Variants in EBP observed in about 807,000 individuals in gnomAD.
EBP encodes the protein EBP cholestenol delta-isomerase, also known as 3-beta-hydroxysteroid-Delta(8),Delta(7)-isomerase.
EBP carries 1 observed loss-of-function variant against 14.1 expected under a neutral mutation model. That is an observed-to-expected ratio of 0.07 (90% confidence interval 0.03 to 0.34). EBP has a LOEUF of 0.34. Ranked by LOEUF, EBP falls within the 10% of genes least tolerant of loss-of-function variation. The probability of loss-of-function intolerance (pLI) is 0.99; values close to 1 mark genes in which losing one functional copy is unlikely to be tolerated. For missense variants in EBP, 123 were observed against 184.6 expected, an observed-to-expected ratio of 0.67 and a Z score of 1.93; for synonymous variants, 72 against 77.7, an observed-to-expected ratio of 0.93 and a Z score of 0.38.
chrX:48,525,152 TA>T (rs2061775426), intron 2 of EBP, among the ~76,000 whole-genome samples: 2 of 112,382 alleles, frequency 1.8e-5, no homozygotes, highest in Admixed American at 1.9e-4. Flanking sequence ...TTTACACACG[TA>T]AGTCTCAATT....
chrX:48,523,539 G>C (rs2061769661), intron 1 of EBP, among the ~76,000 whole-genome samples, 160 bp from the exon 2 acceptor site: 1 of 95,822 alleles, frequency 1.0e-5, no homozygotes, highest in Non-Finnish European at 2.1e-5. Flanking sequence ...GGGTGACAGA[G>C]CAAGACTCCG....
chrX:48,527,426 G>A, intron 4 of EBP, 141 bp downstream of exon 4: 2 of 996,418 alleles, frequency 2.0e-6, no homozygotes, highest in Non-Finnish European at 2.8e-6. Flanking sequence ...ACCCCCTGAG[G>A]CTCTGGAAAG....
chrX:48,527,139 A>T lies in EBP; in HGVS notation c.339-16A>T, dbSNP rs1276211096. The T allele has an allele frequency of 4.1e-6, 5 of 1,210,093 alleles. No homozygotes were observed. The South Asian group carries it at 8.8e-5, about 21-fold the overall frequency. ...AGCACACCGATACCAGTGTCCCCTC[A>T]TGCTTTCTCCTGCAGGGGTGACAAC... On this transcript the variant is annotated splice_polypyrimidine_tract_variant and intron_variant, in intron 3 of 4. Transcript: ENST00000495186.
chrX:48,528,479 A>T lies in EBP; in HGVS notation c.*22A>T, dbSNP rs1222292231. The T allele has an allele frequency of 8.8e-7, 1 of 1,133,785 alleles. No individual in the cohort carries two copies. Among genetic ancestry groups the T allele is most frequent in the Non-Finnish European group, 1.2e-6 (1 of 846,911 alleles). The allele number at this position is 1,133,785 out of a possible 1,213,427, so 93.4% of individuals were successfully genotyped here. On this transcript the variant is annotated 3_prime_UTR_variant, in exon 5 of 5. Coordinates refer to ENST00000495186, the MANE Select transcript of EBP (RefSeq NM_006579.3). ...CTGAGGAGTGGTGGACCAGGCTCGA[A>T]CACTGGCCGAGGAGGAGCTCTCTGC...
intron 4 of EBP, 160 bp downstream of exon 4, chrX:48,527,445 C>T (rs2061782800): frequency 2.4e-6 from 2 of 835,804 alleles, no homozygotes; most frequent in Admixed American, 5.4e-5. Context: ...AGGTCATGCC[C>T]TTCTCTGAGC....
intron 1 of EBP, 115 bp from the exon 2 acceptor site, chrX:48,523,584 G>A: frequency 2.5e-6 from 1 of 398,826 alleles, no homozygotes. Flanking sequence ...AATGTAATTA[G>A]AAGTGTTACA....
At chrX:48,522,568 T>A (rs2061765996) in intron 1 of EBP, among the ~76,000 whole-genome samples, 1 of 112,523 alleles carries the variant, frequency 8.9e-6, no homozygotes, top group Non-Finnish European at 1.9e-5. Context: ...CCCCGAGGGC[T>A]GAGACCGGGA....
At chrX:48,525,997 G>A (rs2061777786) in intron 2 of EBP, among the ~76,000 whole-genome samples, 1 of 104,410 alleles carries the variant, frequency 9.6e-6, no homozygotes, top group South Asian at 4.6e-4. Flanking sequence ...TGAGGCAGGA[G>A]AATCTCTGGG....
Position 48,528,292 on chromosome X carries a change from C to T in EBP, c.528C>T (p.His176=), listed in dbSNP as rs782271192. ...FLTEHRDGFQ[H]GELGHPLYFW... is the part of the protein sequence containing the mutation. ...CAGAGCACCGCGACGGATTCCAGCA[C>T]GGAGAGCTGGGCCACCCTCTCTACT... The change falls in exon 5 of 5, where the codon CAC becomes CAT. Residue 176 remains histidine, a synonymous_variant. Transcript: ENST00000495186. 5.0e-6 allele frequency: 6 copies of T among 1,209,925 alleles called. No homozygotes were observed. The highest frequency in any genetic ancestry group is 1.8e-5 in the South Asian group (1 of 56,704).
intron 3 of EBP, 26 bp downstream of exon 3, chrX:48,527,051 G>A: frequency 1.7e-6 from 2 of 1,211,717 alleles, no homozygotes; most frequent in Non-Finnish European, 1.1e-6. Context: ...TGTCAATGGA[G>A]ACTGGCATTG....
chrX:48,528,170 A>C, intron 4 of EBP, 64 bp from the exon 5 acceptor site: 4 of 983,873 alleles, frequency 4.1e-6, no homozygotes, highest in Non-Finnish European at 5.7e-6. Context: ...GCTTTGGAAT[A>C]GAGAATTGGC....
chrX:48,527,354 T>C (rs1448551913), intron 4 of EBP, 69 bp downstream of exon 4: 2 of 1,197,077 alleles, frequency 1.7e-6, no homozygotes, highest in Non-Finnish European at 2.3e-6. Context: ...GACACAGATG[T>C]ATCCCTGTGG....
chrX:48,523,549 G>C, intron 1 of EBP, 150 bp from the exon 2 acceptor site: 1 of 373,023 alleles, frequency 2.7e-6, no homozygotes, highest in Non-Finnish European at 4.5e-6. Context: ...GCAAGACTCC[G>C]TCTGAAAAAA....
Position 48,523,711 on chromosome X carries a change from C to CTTTT in EBP, c.-46_-43dup, listed in dbSNP as rs782299900. The CTTTT allele has an allele frequency of 2.2e-3, 1,907 of 856,922 alleles. 3 individuals carry two copies. The highest frequency in any genetic ancestry group is 7.9e-3 in the Middle Eastern group (19 of 2,415). 70.6% of individuals were successfully genotyped at this position (856,922 alleles called of 1,213,427 possible). On this transcript the variant is annotated 5_prime_UTR_variant, in exon 2 of 5. Transcript: ENST00000495186. The stretch of plus-strand genomic sequence containing the variant: ...TCTATTTGTCCAGGTTTTTCTGTTC[C>CTTTT]TTTTTTTTTTTTTTTTTTAACTTCC...
intron 4 of EBP, 81 bp downstream of exon 4, chrX:48,527,366 T>C: frequency 8.4e-7 from 1 of 1,193,811 alleles, no homozygotes; most frequent in Non-Finnish European, 1.1e-6. Flanking sequence ...TCCCTGTGGG[T>C]GGGATCTCTC....
chrX:48,528,089 AT>A, intron 4 of EBP, 144 bp from the exon 5 acceptor site: 1 of 505,958 alleles, frequency 2.0e-6, no homozygotes, highest in Non-Finnish European at 3.2e-6. Context: ...CACTTTTCTG[AT>A]TTCTCAGATT....
chrX:48,522,922 C>T (rs2061767557), intron 1 of EBP, among the ~76,000 whole-genome samples: 1 of 111,447 alleles, frequency 9.0e-6, no homozygotes, highest in Non-Finnish European at 1.9e-5. Context: ...GTCCACTCGT[C>T]TTGGCCTCCC....
intron 1 of EBP, among the ~76,000 whole-genome samples, chrX:48,522,645 T>G (rs2061766325): frequency 8.9e-6 from 1 of 112,255 alleles, no homozygotes; most frequent in Non-Finnish European, 1.9e-5. Flanking sequence ...TTCTGTGGCC[T>G]TGTGTTTCAG....
chrX:48,524,456 T>C (rs1205339446), intron 2 of EBP: 1 of 132,700 alleles, frequency 7.5e-6, no homozygotes, highest in Non-Finnish European at 1.5e-5. Flanking sequence ...TGAAACCCCA[T>C]CTCTACTAAA....
Sources: allele counts gnomAD v4.1 joint callset (sites outside exome capture counted in the v4.1 genomes callset), GRCh38; gene constraint gnomAD v4.1.1; transcripts MANE v1.5; gene names NCBI Gene and HGNC (gene_info 2026-07-23, HGNC 2026-07-21).